SVOP: variants seen among roughly 807,000 people sequenced by gnomAD.
SVOP encodes SV2 related protein.
A neutral mutation model predicts 69.1 loss-of-function variants in SVOP; 17 were observed. That is an observed-to-expected ratio of 0.25 (90% CI 0.17 to 0.37). The LOEUF (loss-of-function observed/expected upper bound fraction) is 0.37. Among genes scored for constraint, SVOP ranks in the 10% least tolerant of loss-of-function variants. The pLI is 1.00. For missense variants in SVOP, 435 were observed against 597.5 expected (o/e 0.73, Z 2.84); for synonymous variants, 238 against 238.6 (o/e 1.00, Z 0.02).
chr12:108,944,963 G>T (rs1037958770), intron 7 of SVOP, 140 bp downstream of exon 7: 116 of 708,064 alleles, frequency 1.6e-4, no homozygotes, highest in Non-Finnish European at 6.0e-5. Flanking sequence ...TGATGTAACT[G>T]ATCCTTTTAC....
Position 108,915,846 on chromosome 12 carries a change from G to A in SVOP, c.1377C>T (p.Leu459=), listed in dbSNP as rs376465518. The A allele has an allele frequency of 6.2e-6, 10 of 1,608,008 alleles. No individual in the cohort carries two copies. The highest frequency in any genetic ancestry group is 2.7e-5 in the African/African-American group (2 of 74,730). The change falls in exon 15 of 16, where the codon CTC becomes CTT. Residue 459 remains leucine, a synonymous_variant. Transcript: ENST00000610966. ...CCATGCCGCTGCAGGTGCCCAGGCCGAGGGCCCGCGTTGCCGTGGGGTAGA... is the reference window on the plus strand; with the variant it reads ...CCATGCCGCTGCAGGTGCCCAGGCCAAGGGCCCGCGTTGCCGTGGGGTAGA... ...PEVYPTATRA[L]GLGTCSGMAR...
chr12:108,961,102 G>A lies in SVOP; in HGVS notation c.454-55C>T, dbSNP rs192582365. 1.1e-3 allele frequency: 1,682 copies of A among 1,500,522 alleles called. 2 individuals are homozygous for A. The highest frequency in any genetic ancestry group is 1.3e-3 in the Non-Finnish European group (1,461 of 1,125,350). The allele number at this position is 1,500,522 out of a possible 1,614,324, so 93.0% of individuals were successfully genotyped here. A position where few individuals can be genotyped will look rare whatever the true frequency, so the allele number is the denominator to read the frequency against. ...GGGCTTTTCAGCACCTCCAGGTAGCGTTTGCACCTCACTGAGAGCCGCCGA... is the reference window on the plus strand; with the variant it reads ...GGGCTTTTCAGCACCTCCAGGTAGCATTTGCACCTCACTGAGAGCCGCCGA... On this transcript the variant is annotated intron_variant, in intron 5 of 15. Transcript: ENST00000610966.
At chr12:108,958,640 G>C (rs2039999095) in intron 6 of SVOP, among the ~76,000 whole-genome samples, 1 of 152,186 alleles carries the variant, frequency 6.6e-6, no homozygotes, top group Admixed American at 6.5e-5. Context: ...ATGCTGTGAT[G>C]TGCTACTTGG....
In SVOP at chr12:108,926,061, G is replaced by A. The variant is rs1178863607; in HGVS notation, c.1049-3264C>T. 3.3e-5 allele frequency among the ~76,000 whole-genome samples: 5 copies of A among 151,950 alleles called. No individual in the cohort carries two copies. In the East Asian group the frequency reaches 9.6e-4, roughly 29 times the overall value. ...AGCCTCCCAAATAGCTGGGACCACA[G>A]GCACACACCACCAGGCCCAGCTAAT... On this transcript the variant is annotated intron_variant, in intron 11 of 15. Coordinates refer to ENST00000610966, the MANE Select transcript of SVOP (RefSeq NM_018711.5).
chr12:109,011,333 T>G (rs775539251), intron 1 of SVOP, among the ~76,000 whole-genome samples: 2 of 152,260 alleles, frequency 1.3e-5, no homozygotes, highest in Non-Finnish European at 2.9e-5. Flanking sequence ...TGTGAGCAAC[T>G]CTGAGTGTGA....
At chr12:108,945,009 A>T in intron 7 of SVOP, 94 bp downstream of exon 7, 2 of 1,192,232 alleles carry the variant, frequency 1.7e-6, no homozygotes, top group Non-Finnish European at 2.4e-6. Context: ...TTTTTTTCTT[A>T]AACTCCCTTT....
intron 1 of SVOP, among the ~76,000 whole-genome samples, chr12:108,997,179 T>G (rs1298804280): frequency 6.7e-6 from 1 of 149,128 alleles, no homozygotes; most frequent in Admixed American, 6.7e-5. Context: ...GTTCCCTTTC[T>G]GAGTCAAAGA....
chr12:108,934,752 C>T (rs2039846494), intron 10 of SVOP, among the ~76,000 whole-genome samples: 1 of 152,206 alleles, frequency 6.6e-6, no homozygotes, highest in Non-Finnish European at 1.5e-5. Context: ...TACACTCCCA[C>T]CAGTGCCGTT....
chr12:108,948,684 T>G (rs1263609255), intron 6 of SVOP, among the ~76,000 whole-genome samples: 3 of 152,200 alleles, frequency 2.0e-5, no homozygotes, highest in Admixed American at 6.5e-5. Flanking sequence ...AGAATTTGAG[T>G]CAGAGGGTAT....
At chr12:108,938,741 G>T in intron 9 of SVOP, 86 bp downstream of exon 9, 1 of 1,586,464 alleles carries the variant, frequency 6.3e-7, no homozygotes, top group Non-Finnish European at 8.6e-7. Context: ...ATGTGTCCTC[G>T]CATGCATGCC....
rs904964170 is a variant in SVOP at position 108,949,466 on chromosome 12, C to T, written c.579-4300G>A. ...TGTATTTTTAATAGAGATGGGGTTT[C>T]GCCATGTTGGCCAGGCTGGTCTCGA... On this transcript the variant is annotated intron_variant, in intron 6 of 15. Transcript: ENST00000610966. 5.3e-5 allele frequency among the ~76,000 whole-genome samples: 8 copies of T among 152,086 alleles called. No homozygotes were observed. In the South Asian group the frequency reaches 8.3e-4, roughly 16 times the overall value.
At chr12:108,935,179 C>T (rs763855001) in intron 10 of SVOP, among the ~76,000 whole-genome samples, 3 of 152,184 alleles carry the variant, frequency 2.0e-5, no homozygotes, top group South Asian at 2.1e-4. Flanking sequence ...GGGTCAATTG[C>T]GTCAACTTGG....
At chr12:108,962,241 G>T (rs575322661) in intron 5 of SVOP, among the ~76,000 whole-genome samples, 18 of 152,130 alleles carry the variant, frequency 1.2e-4, no homozygotes, top group Non-Finnish European at 2.6e-4. Flanking sequence ...TGGAAGCACA[G>T]ATGTGTGCCA....
At chr12:108,952,359 C>A (rs1035650570) in intron 6 of SVOP, among the ~76,000 whole-genome samples, 1 of 151,678 alleles carries the variant, frequency 6.6e-6, no homozygotes, top group South Asian at 2.1e-4. Context: ...CTCAGCCTCC[C>A]AAGTAGCTAG....
chr12:109,015,540 G>A (rs1050808104), intron 1 of SVOP, among the ~76,000 whole-genome samples: 3 of 152,144 alleles, frequency 2.0e-5, no homozygotes, highest in Non-Finnish European at 4.4e-5. Context: ...GGCCAGGCAT[G>A]GTGGCTCATG....
chr12:109,014,744 CAG>C (rs1354735419), intron 1 of SVOP, among the ~76,000 whole-genome samples: 1 of 152,052 alleles, frequency 6.6e-6, no homozygotes, highest in Non-Finnish European at 1.5e-5. Context: ...TTTTTTGAGA[CAG>C]GGTCTCATTC....
intron 5 of SVOP, among the ~76,000 whole-genome samples, chr12:108,967,129 T>G (rs1169396115): frequency 6.6e-6 from 1 of 152,192 alleles, no homozygotes; most frequent in Non-Finnish European, 1.5e-5. Flanking sequence ...CCAAGCAGTC[T>G]GGCCTCAAAA....
chr12:108,914,423 C>T (rs1326209058), intron 15 of SVOP, among the ~76,000 whole-genome samples: 2 of 152,150 alleles, frequency 1.3e-5, no homozygotes, highest in Non-Finnish European at 2.9e-5. Flanking sequence ...AGCAAAAAGA[C>T]TTACTAAGAT....
chr12:108,924,886 A>T (rs1046446099), intron 11 of SVOP, among the ~76,000 whole-genome samples: 6 of 152,118 alleles, frequency 3.9e-5, no homozygotes, highest in Non-Finnish European at 8.8e-5. Context: ...GATAAGGGAG[A>T]ACTGAGGACT....
Sources: allele counts gnomAD v4.1 joint callset (sites outside exome capture counted in the v4.1 genomes callset), GRCh38; gene constraint gnomAD v4.1.1; transcripts MANE v1.5; gene names NCBI Gene and HGNC (gene_info 2026-07-23, HGNC 2026-07-21).